The following COL5A1 variants were observed in gnomAD, a reference collection of about 807,000 sequenced individuals.
COL5A1 encodes the protein collagen alpha-1(V) chain.
Under a neutral mutation model 263.7 loss-of-function variants are expected in COL5A1, and 16 were observed. That is an observed-to-expected ratio of 0.06 (90% CI 0.04 to 0.09). COL5A1 has a LOEUF of 0.09. Ranked by LOEUF, COL5A1 falls within the 10% of genes least tolerant of loss-of-function variation. The pLI, the probability that COL5A1 is intolerant of heterozygous loss-of-function variation, is 1.00. For synonymous variants in COL5A1, 1,012 were observed against 1,004.5 expected, an observed-to-expected ratio of 1.01 and a Z score of -0.14; for missense variants, 2,036 against 2,540.5, an observed-to-expected ratio of 0.80 and a Z score of 4.27.
intron 63 of COL5A1, among the ~76,000 whole-genome samples, chr9:134,828,700 A>ACTACAC (rs1839422316): frequency 2.0e-5 from 3 of 150,554 alleles, no homozygotes; most frequent in African/African-American, 7.5e-5. Context: ...CATACCACAT[A>ACTACAC]CCACACATAG....
chr9:134,674,465 A>C (rs550076806), intron 1 of COL5A1, among the ~76,000 whole-genome samples: 2 of 152,266 alleles, frequency 1.3e-5, no homozygotes, highest in East Asian at 3.9e-4. Context: ...GTGAGGAGAG[A>C]GACATAAGGG....
rs1336642415 is a variant in COL5A1, at chr9:134,774,827, G to A, written c.2332-32G>A. On this transcript the variant is annotated intron_variant, in intron 26 of 65. Transcript: ENST00000371817. ...TCCCCAGGCACCTCCACACTGGCATGGGGCTAACGGTCTTTTTCTGTTTGG... is the reference window on the plus strand; with the variant it reads ...TCCCCAGGCACCTCCACACTGGCATAGGGCTAACGGTCTTTTTCTGTTTGG... 12 of 1,610,186 alleles carry A rather than the reference G, an allele frequency of 7.5e-6. No individual in the cohort carries two copies. In the South Asian group the frequency reaches 1.3e-4, roughly 18 times the overall value.
chr9:134,811,276 C>A (rs1384636954), intron 44 of COL5A1, 63 bp from the exon 45 acceptor site: 12 of 1,494,008 alleles, frequency 8.0e-6, no homozygotes, highest in Non-Finnish European at 1.1e-5. Flanking sequence ...ATGCGGTCCA[C>A]CCCTCCCTCA....
intron 27 of COL5A1, among the ~76,000 whole-genome samples, chr9:134,775,177 C>T (rs1837007262): frequency 1.3e-5 from 2 of 152,246 alleles, no homozygotes; most frequent in Non-Finnish European, 2.9e-5. Context: ...CAGGGGCGCG[C>T]TGGCGGCCAT....
rs187006751 is a variant in COL5A1, at chr9:134,669,994, A to C, written c.110-20918A>C. The stretch of plus-strand genomic sequence containing the variant: ...TTATAGTACATTTGGGAAATATCAA[A>C]ATGACTTTATTTTCCTTTCCTCACA... On this transcript the variant is annotated intron_variant, in intron 1 of 65. Coordinates refer to ENST00000371817, the MANE Select transcript of COL5A1 (RefSeq NM_000093.5). Among the ~76,000 whole-genome samples the C allele has an allele frequency of 3.1e-3, 470 of 152,318 alleles. 2 individuals are homozygous for C. Among genetic ancestry groups the C allele is most frequent in the African/African-American group, 0.011 (457 of 41,564 alleles).
At position 134,823,813 on chromosome 9, in the gene COL5A1, T is replaced by C. The variant is rs140284096; in HGVS notation, c.4698+344T>C. Among the ~76,000 whole-genome samples the C allele has an allele frequency of 5.4e-3, 828 of 152,334 alleles. 2 individuals carry two copies. The highest frequency in any genetic ancestry group is 9.9e-3 in the Non-Finnish European group (673 of 68,020). ...TGTCTGTATGTGTACGTGCATCCTGTATATGTGCATGCATGTGTAATGTGT... is the reference window on the plus strand; with the variant it reads ...TGTCTGTATGTGTACGTGCATCCTGCATATGTGCATGCATGTGTAATGTGT... On this transcript the variant is annotated intron_variant, in intron 61 of 65. Coordinates refer to ENST00000371817, the MANE Select transcript of COL5A1 (RefSeq NM_000093.5).
At chr9:134,697,667 G>T (rs145653687) in intron 2 of COL5A1, among the ~76,000 whole-genome samples, 2,589 of 152,232 alleles carry the variant, frequency 0.017, 29 homozygotes, top group Non-Finnish European at 0.027. Context: ...GGGATCACGT[G>T]GGGCTGCCAT....
At chr9:134,759,551 A>ACG (rs398113940) in intron 18 of COL5A1, among the ~76,000 whole-genome samples, 1 of 102,076 alleles carries the variant, frequency 9.8e-6, no homozygotes, top group Non-Finnish European at 1.7e-5. Flanking sequence ...GCGCACACAC[A>ACG]CTCATACACA....
intron 20 of COL5A1, among the ~76,000 whole-genome samples, chr9:134,764,774 A>G (rs1419185885): frequency 1.3e-5 from 2 of 152,106 alleles, no homozygotes; most frequent in African/African-American, 2.4e-5. Flanking sequence ...GCCTCTAAGG[A>G]GAATTCATGA....
chr9:134,747,243 A>G lies in COL5A1; in HGVS notation c.1495-3299A>G, dbSNP rs141601449. On this transcript the variant is annotated intron_variant, in intron 11 of 65. Coordinates refer to ENST00000371817, the MANE Select transcript of COL5A1 (RefSeq NM_000093.5). Reference sequence around the variant, plus strand: ...GGAATTGTTCCGGGTGTCGGTGAGAAGCGGCATCAGAGGGAAGTTGCTTTC... The same window carrying G: ...GGAATTGTTCCGGGTGTCGGTGAGAGGCGGCATCAGAGGGAAGTTGCTTTC... Among the ~76,000 whole-genome samples, 261 of 152,296 alleles carry G rather than the reference A, an allele frequency of 1.7e-3. 1 individual carries two copies. The Middle Eastern group carries it at 0.027, about 16-fold the overall frequency.
chr9:134,671,963 GC>G (rs1312520105), intron 1 of COL5A1, among the ~76,000 whole-genome samples: 3 of 152,216 alleles, frequency 2.0e-5, no homozygotes, highest in Non-Finnish European at 4.4e-5. Flanking sequence ...CTGACCAAGG[GC>G]CCTGTGAGGA....
chr9:134,788,618 G>C (rs563566384), intron 31 of COL5A1, among the ~76,000 whole-genome samples: 15 of 149,080 alleles, frequency 1.0e-4, no homozygotes, highest in African/African-American at 3.0e-4. Context: ...GATGGATAGA[G>C]AGATAGATGG....
chr9:134,741,682 G>A lies in COL5A1; in HGVS notation c.1494+2874G>A, dbSNP rs537134578. Among the ~76,000 whole-genome samples, 204 of 152,234 alleles carry A rather than the reference G, an allele frequency of 1.3e-3. 1 individual carries two copies. Among genetic ancestry groups the A allele is most frequent in the Non-Finnish European group, 2.1e-3 (144 of 68,024 alleles). ...GGGGAGGTAAGAGAACTCTTCTTGC[G>A]TCCGTCGATTCTTACTTGGCTTCAG... On this transcript the variant is annotated intron_variant, in intron 11 of 65. Coordinates refer to ENST00000371817, the MANE Select transcript of COL5A1 (RefSeq NM_000093.5). The surrounding 1 kb of genome is among the most constrained non-coding windows in gnomAD (Gnocchi z 4.5).
chr9:134,737,717 G>A (rs542543215), intron 9 of COL5A1, among the ~76,000 whole-genome samples: 2 of 152,142 alleles, frequency 1.3e-5, no homozygotes, highest in South Asian at 2.1e-4. Context: ...GCAGGGAGCC[G>A]CTCCCACTGC....
intron 6 of COL5A1, among the ~76,000 whole-genome samples, chr9:134,729,559 C>G (rs1834794888): frequency 9.8e-6 from 1 of 102,144 alleles, no homozygotes; most frequent in Non-Finnish European, 1.9e-5. Context: ...TGTGCATGAG[C>G]CTGTGTGTGT....
intron 44 of COL5A1, among the ~76,000 whole-genome samples, chr9:134,811,062 G>T (rs1838503627): frequency 6.6e-6 from 1 of 152,164 alleles, no homozygotes; most frequent in Admixed American, 6.5e-5. Flanking sequence ...CCCTGTTGTG[G>T]GTGCATGATG....
At position 134,696,066 on chromosome 9, in the gene COL5A1, C is replaced by A. The variant is rs1375606702; in HGVS notation, c.278-3843C>A. Reference sequence around the variant, plus strand: ...GTCCAGCTGAAACCTCAGCCGCCCCCCAGGTTCCTGGCCCCCTGTCCAAAG... The same window carrying A: ...GTCCAGCTGAAACCTCAGCCGCCCCACAGGTTCCTGGCCCCCTGTCCAAAG... On this transcript the variant is annotated intron_variant, in intron 2 of 65. Transcript: ENST00000371817. The surrounding 1 kb of genome is among the most constrained non-coding windows in gnomAD (Gnocchi z 4.3). 6.6e-6 allele frequency among the ~76,000 whole-genome samples: 1 copy of A among 152,188 alleles called. No homozygotes were observed. Among genetic ancestry groups the A allele is most frequent in the African/African-American group, 2.4e-5 (1 of 41,432 alleles).
rs1361210316 is a variant in COL5A1 at position 134,765,081 on chromosome 9, C to T, written c.2035-600C>T. ...CCTGCGGTAAAGGGGAGGTTCTGCA[C>T]GAGCCTCGCCGACCGGAGAGGGCGT... is the stretch of plus-strand genomic sequence containing the variant. On this transcript the variant is annotated intron_variant, in intron 20 of 65. Transcript: ENST00000371817. The surrounding 1 kb of genome is among the most constrained non-coding windows in gnomAD (Gnocchi z 5.1). Among the ~76,000 whole-genome samples, 3 of 152,044 alleles carry T rather than the reference C, an allele frequency of 2.0e-5. No homozygotes were observed. Among genetic ancestry groups the T allele is most frequent in the Non-Finnish European group, 2.9e-5 (2 of 67,986 alleles).
intron 1 of COL5A1, among the ~76,000 whole-genome samples, chr9:134,646,384 C>G (rs1228110870): frequency 1.3e-5 from 2 of 152,138 alleles, no homozygotes; most frequent in African/African-American, 4.8e-5. Flanking sequence ...CTTCTCCTTC[C>G]TTTTATTGCA....
Sources: gnomAD v4.1 joint callset for allele counts (sites outside exome capture counted in the v4.1 genomes callset) on GRCh38, gnomAD v4.1.1 for gene constraint, Gnocchi (gnomAD v3.1) non-coding constraint, MANE v1.5 for transcripts, NCBI Gene and HGNC (gene_info 2026-07-23, HGNC 2026-07-21) for gene names.